The following TJP2 variants were observed in gnomAD, a reference collection of about 807,000 sequenced individuals.
TJP2 encodes Friedreich ataxia region gene X104 (tight junction protein ZO-2).
Under a neutral mutation model 133.1 loss-of-function variants are expected in TJP2, and 91 were observed. The observed-to-expected ratio is 0.68, with a 90% CI of 0.58 to 0.81. The LOEUF (loss-of-function observed/expected upper bound fraction) is 0.81. Ranked by LOEUF, TJP2 falls within the 40% of genes least tolerant of loss-of-function variation. The pLI, the probability that TJP2 is intolerant of heterozygous loss-of-function variation, is 0.00. For synonymous variants in TJP2, 592 were observed against 583.4 expected, an observed-to-expected ratio of 1.01 and a Z score of -0.21; for missense variants, 1,541 against 1,565.6, an observed-to-expected ratio of 0.98 and a Z score of 0.26.
chr9:69,219,897 C>G (rs944441558), intron 4 of TJP2, among the ~76,000 whole-genome samples: 4 of 150,856 alleles, frequency 2.7e-5, no homozygotes, highest in Admixed American at 6.7e-5. Flanking sequence ...CAGTGGTTCA[C>G]GCCAGCACTT....
chr9:69,214,124 T>C (rs1828161713), intron 2 of TJP2, among the ~76,000 whole-genome samples: 2 of 152,192 alleles, frequency 1.3e-5, no homozygotes, highest in South Asian at 4.1e-4. Context: ...CTCATTCAGT[T>C]GCCCAGGCTG....
intron 4 of TJP2, among the ~76,000 whole-genome samples, chr9:69,219,494 C>G (rs990067579): frequency 1.3e-5 from 2 of 152,184 alleles, no homozygotes; most frequent in African/African-American, 4.8e-5. Context: ...CATGCATTTC[C>G]TATGAATGAG....
intron 1 of TJP2, among the ~76,000 whole-genome samples, chr9:69,190,993 T>A (rs1251771980): frequency 6.6e-6 from 1 of 152,246 alleles, no homozygotes; most frequent in Non-Finnish European, 1.5e-5. Context: ...TTGGCTTGAT[T>A]TGTCTCCTGT....
intron 2 of TJP2, among the ~76,000 whole-genome samples, chr9:69,161,726 C>T (rs1219280563): frequency 6.7e-6 from 1 of 150,228 alleles, no homozygotes; most frequent in Non-Finnish European, 1.5e-5. Flanking sequence ...TAGAAAAATA[C>T]TTTATATATA....
chr9:69,223,301 GTTTTGT>G (rs1829053228), intron 5 of TJP2, among the ~76,000 whole-genome samples: 2 of 151,140 alleles, frequency 1.3e-5, no homozygotes, highest in African/African-American at 2.4e-5. Context: ...GTTTTGTTTT[GTTTTGT>G]TTTGTTTTGT....
chr9:69,161,170 G>GA (rs1824048247), intron 2 of TJP2, among the ~76,000 whole-genome samples: 1 of 152,158 alleles, frequency 6.6e-6, no homozygotes, highest in Non-Finnish European at 1.5e-5. Flanking sequence ...GTGTCGGAGG[G>GA]ATGCAAGGTA....
At chr9:69,247,884 A>G (rs1831036248) in intron 18 of TJP2, 128 bp from the exon 19 acceptor site, 1 of 920,742 alleles carries the variant, frequency 1.1e-6, no homozygotes. Context: ...GAGAAAAATA[A>G]AAGATGCCTT....
chr9:69,244,406 G>T (rs918866173), intron 17 of TJP2, among the ~76,000 whole-genome samples: 4 of 151,990 alleles, frequency 2.6e-5, no homozygotes, highest in Non-Finnish European at 5.9e-5. Flanking sequence ...AACCTCCTTG[G>T]CTGGGGAGGG....
upstream of TJP2, among the ~76,000 whole-genome samples, chr9:69,173,499 T>G (rs1032724911): frequency 2.6e-5 from 4 of 152,174 alleles, no homozygotes; most frequent in African/African-American, 9.7e-5. Context: ...GGAGAGGAGT[T>G]TCAATCTCTT....
intron 1 of TJP2, among the ~76,000 whole-genome samples, chr9:69,199,098 T>TG (rs959055050): frequency 1.4e-4 from 21 of 152,214 alleles, no homozygotes; most frequent in African/African-American, 4.8e-4. Flanking sequence ...ACCAATTTCC[T>TG]GGGGGCAGGT....
At chr9:69,213,225 G>A (rs559570080) in intron 2 of TJP2, among the ~76,000 whole-genome samples, 13 of 152,004 alleles carry the variant, frequency 8.6e-5, no homozygotes, top group East Asian at 1.9e-4. Flanking sequence ...CACCACGCCC[G>A]GCTAATTTTG....
intron 17 of TJP2, chr9:69,246,186 C>T (rs1430048134): frequency 5.0e-6 from 1 of 199,942 alleles, no homozygotes; most frequent in Non-Finnish European, 1.0e-5. Flanking sequence ...GTATCAGATA[C>T]TCGGCATCTG....
At chr9:69,196,183 A>T (rs560040079) in intron 1 of TJP2, among the ~76,000 whole-genome samples, 2 of 152,172 alleles carry the variant, frequency 1.3e-5, no homozygotes, top group African/African-American at 4.8e-5. Context: ...TTTGGAAGGC[A>T]CAATAGGTGT....
At chr9:69,186,790 T>C (rs1212079909) in intron 1 of TJP2, among the ~76,000 whole-genome samples, 1 of 152,236 alleles carries the variant, frequency 6.6e-6, no homozygotes. Flanking sequence ...TGTATTTTGA[T>C]TTGACAATAT....
intron 1 of TJP2, among the ~76,000 whole-genome samples, chr9:69,189,287 CTCCACA>C (rs1161779430): frequency 1.3e-5 from 2 of 152,154 alleles, no homozygotes; most frequent in East Asian, 3.8e-4. Context: ...CCTAGGAAGT[CTCCACA>C]TACAAATTTT....
intron 1 of TJP2, 134 bp downstream of exon 1, chr9:69,174,566 G>A: frequency 6.4e-6 from 7 of 1,100,672 alleles, no homozygotes; most frequent in Non-Finnish European, 8.0e-6. Flanking sequence ...TCTCCCATCC[G>A]GACGTGGGAC....
chr9:69,213,952 G>C (rs1469549085), intron 2 of TJP2, among the ~76,000 whole-genome samples: 1 of 151,972 alleles, frequency 6.6e-6, no homozygotes, highest in East Asian at 1.9e-4. Context: ...CAGCATAGTG[G>C]GCCTCACGTG....
At chr9:69,140,267 G>C (rs1274350055) in intron 1 of TJP2, among the ~76,000 whole-genome samples, 2 of 152,150 alleles carry the variant, frequency 1.3e-5, no homozygotes, top group African/African-American at 4.8e-5. Flanking sequence ...TGTTACATGT[G>C]CTCAGTGCTT....
At chr9:69,170,216 C>A (rs1442465175), upstream of TJP2, among the ~76,000 whole-genome samples, 1 of 152,092 alleles carries the variant, frequency 6.6e-6, no homozygotes, top group African/African-American at 2.4e-5. Context: ...TTGTCCATTG[C>A]ACAAACAATA....
Sources: gnomAD v4.1 joint callset for allele counts (sites outside exome capture counted in the v4.1 genomes callset) on GRCh38, gnomAD v4.1.1 for gene constraint, MANE v1.5 for transcripts, NCBI Gene and HGNC (gene_info 2026-07-23, HGNC 2026-07-21) for gene names.